Variants in PRKCA observed in about 807,000 individuals in gnomAD.
PRKCA encodes the protein protein kinase C alpha.
PRKCA carries 27 observed loss-of-function variants against 87.0 expected under a neutral mutation model. The observed-to-expected ratio is 0.31, with a 90% CI of 0.23 to 0.43. The LOEUF (loss-of-function observed/expected upper bound fraction) is 0.43. Among genes scored for constraint, PRKCA ranks in the 20% least tolerant of loss-of-function variants. The pLI is 1.00. For missense variants in PRKCA, 518 were observed against 852.3 expected (o/e 0.61, Z 4.88); for synonymous variants, 329 against 311.1 (o/e 1.06, Z -0.61).
intron 16 of PRKCA, among the ~76,000 whole-genome samples, chr17:66,802,735 G>T (rs1975929093): frequency 6.6e-6 from 1 of 152,184 alleles, no homozygotes; most frequent in Non-Finnish European, 1.5e-5. Flanking sequence ...TGTTCTCCCA[G>T]TGTTACAGAT....
At chr17:66,692,463 T>C (rs185938046) in intron 8 of PRKCA, among the ~76,000 whole-genome samples, 9 of 152,238 alleles carry the variant, frequency 5.9e-5, no homozygotes, top group Non-Finnish European at 8.8e-5. Context: ...TTTGTTGAGG[T>C]CTATAAATGT....
chr17:66,549,627 C>T (rs1000813214), intron 3 of PRKCA, among the ~76,000 whole-genome samples: 5 of 152,116 alleles, frequency 3.3e-5, no homozygotes, highest in East Asian at 1.9e-4. Flanking sequence ...GTGTGAATTC[C>T]ATTTGGACCT....
At chr17:66,789,052 T>A in intron 16 of PRKCA, 73 bp downstream of exon 16, 1 of 1,544,514 alleles carries the variant, frequency 6.5e-7, no homozygotes, top group Non-Finnish European at 8.7e-7. Context: ...CTCACCTCTT[T>A]TCTTGGAGAG....
intron 2 of PRKCA, among the ~76,000 whole-genome samples, chr17:66,424,759 CT>C (rs1392976165): frequency 1.3e-5 from 2 of 151,544 alleles, no homozygotes; most frequent in South Asian, 4.2e-4. Context: ...CCCCCACCGC[CT>C]TTTTTTTGTG....
In PRKCA at chr17:66,649,240, G is replaced by C. The variant is rs1429692717; in HGVS notation, c.529+3729G>C. ...AAGTGGTACTAAGCAGAGCCCCCTTGGGGCAGTGCTTGCCAATGATGGGTG... is the reference window on the plus strand; with the variant it reads ...AAGTGGTACTAAGCAGAGCCCCCTTCGGGCAGTGCTTGCCAATGATGGGTG... On this transcript the variant is annotated intron_variant, in intron 5 of 16. Transcript: ENST00000413366. Among the ~76,000 whole-genome samples, 2 of 152,184 alleles carry C rather than the reference G, an allele frequency of 1.3e-5. 1 individual carries two copies. The highest frequency in any genetic ancestry group is 3.9e-4 in the East Asian group (2 of 5,190).
At chr17:66,449,925 T>C (rs1254189479) in intron 2 of PRKCA, among the ~76,000 whole-genome samples, 2 of 152,182 alleles carry the variant, frequency 1.3e-5, no homozygotes, top group Non-Finnish European at 2.9e-5. Flanking sequence ...GCCTATATTG[T>C]ACACGTTGAT....
intron 4 of PRKCA, among the ~76,000 whole-genome samples, chr17:66,644,601 G>A (rs1971401818): frequency 6.6e-6 from 1 of 152,088 alleles, no homozygotes; most frequent in Admixed American, 6.6e-5. Context: ...ATCATGCTAG[G>A]CGGGTATTTG....
chr17:66,565,666 A>G (rs1442652670), intron 3 of PRKCA, among the ~76,000 whole-genome samples: 2 of 151,760 alleles, frequency 1.3e-5, no homozygotes, highest in East Asian at 1.9e-4. Flanking sequence ...TGCATGTTGA[A>G]GTCTGGAGAA....
At chr17:66,444,934 C>G (rs1326694828) in intron 2 of PRKCA, among the ~76,000 whole-genome samples, 2 of 152,156 alleles carry the variant, frequency 1.3e-5, no homozygotes, top group Non-Finnish European at 2.9e-5. Context: ...AATCAGAACA[C>G]AACACACAAC....
At chr17:66,740,090 C>A (rs1322907997) in intron 11 of PRKCA, among the ~76,000 whole-genome samples, 2 of 152,060 alleles carry the variant, frequency 1.3e-5, no homozygotes, top group African/African-American at 2.4e-5. Context: ...AGAGATAAAC[C>A]TCTTCCAGTG....
chr17:66,333,952 A>T (rs1047420139), intron 2 of PRKCA, among the ~76,000 whole-genome samples: 3 of 152,174 alleles, frequency 2.0e-5, no homozygotes, highest in Non-Finnish European at 4.4e-5. Flanking sequence ...AAAAGTGCAA[A>T]TAAAGTGTAA....
At chr17:66,679,111 C>T (rs1598867642) in intron 5 of PRKCA, among the ~76,000 whole-genome samples, 1 of 151,858 alleles carries the variant, frequency 6.6e-6, no homozygotes, top group East Asian at 1.9e-4. Context: ...GACTGGAGCA[C>T]CCCAGTGTAC....
intron 13 of PRKCA, among the ~76,000 whole-genome samples, chr17:66,750,328 G>A (rs550946256): frequency 1.3e-5 from 2 of 152,306 alleles, no homozygotes; most frequent in Non-Finnish European, 2.9e-5. Context: ...CCTCTATGGA[G>A]GGTCATGGTC....
intron 3 of PRKCA, among the ~76,000 whole-genome samples, chr17:66,634,013 C>G (rs972437185): frequency 3.2e-5 from 4 of 126,502 alleles, no homozygotes; most frequent in Non-Finnish European, 5.3e-5. Context: ...AGTGTAGATC[C>G]ATGTGTTTAT....
chr17:66,657,227 A>C (rs1324331170), intron 5 of PRKCA, among the ~76,000 whole-genome samples: 1 of 152,228 alleles, frequency 6.6e-6, no homozygotes, highest in Non-Finnish European at 1.5e-5. Context: ...CTGCCTTTAC[A>C]TGCATTTTCC....
intron 13 of PRKCA, among the ~76,000 whole-genome samples, chr17:66,752,941 TTG>T (rs1974470953): frequency 6.6e-6 from 1 of 152,204 alleles, no homozygotes; most frequent in African/African-American, 2.4e-5. Context: ...GGCCCCTGCC[TTG>T]TGTTTTAGAG....
chr17:66,433,921 C>T (rs1173406890), intron 2 of PRKCA, among the ~76,000 whole-genome samples: 3 of 152,144 alleles, frequency 2.0e-5, no homozygotes, highest in Non-Finnish European at 2.9e-5. Context: ...AACTGAGTTT[C>T]CCTGAGGACC....
At chr17:66,757,587 A>C (rs1286377817) in intron 13 of PRKCA, among the ~76,000 whole-genome samples, 1 of 152,154 alleles carries the variant, frequency 6.6e-6, no homozygotes, top group African/African-American at 2.4e-5. Flanking sequence ...AAAAAAAAAA[A>C]AAACGAACCT....
chr17:66,766,510 TACAC>T, intron 13 of PRKCA, among the ~76,000 whole-genome samples: 1 of 152,288 alleles, frequency 6.6e-6, no homozygotes, highest in South Asian at 2.1e-4. Context: ...CTTTACCTGA[TACAC>T]ACAGCAACAC....
Sources: allele counts gnomAD v4.1 joint callset (sites outside exome capture counted in the v4.1 genomes callset), GRCh38; gene constraint gnomAD v4.1.1; transcripts MANE v1.5; gene names NCBI Gene and HGNC (gene_info 2026-07-23, HGNC 2026-07-21).